Variants in SRPK2 observed in about 807,000 individuals in gnomAD.
The protein encoded by SRPK2 is SFRS protein kinase 2.
A neutral mutation model predicts 90.8 loss-of-function variants in SRPK2; 21 were observed. The ratio of observed to expected loss-of-function variants is 0.23; its 90% CI spans 0.16 to 0.33. SRPK2 has a LOEUF of 0.33. Among genes scored for constraint, SRPK2 ranks in the 10% least tolerant of loss-of-function variants. SRPK2 has a pLI of 1.00. For synonymous variants in SRPK2, 288 were observed against 311.1 expected (o/e 0.93, Z 0.78); for missense variants, 620 against 869.0 (o/e 0.71, Z 3.60).
chr7:105,279,890 G>GA (rs1300979755), intron 2 of SRPK2, among the ~76,000 whole-genome samples: 3 of 152,150 alleles, frequency 2.0e-5, no homozygotes, highest in Non-Finnish European at 4.4e-5. Context: ...AACTCAAGGT[G>GA]AAACCCAATG....
At chr7:105,384,031 T>A (rs1821257569) in intron 2 of SRPK2, among the ~76,000 whole-genome samples, 1 of 152,150 alleles carries the variant, frequency 6.6e-6, no homozygotes, top group Non-Finnish European at 1.5e-5. Flanking sequence ...GTTATAGAAT[T>A]AGATAACGGC....
At chr7:105,375,531 G>C (rs1477321842) in intron 2 of SRPK2, among the ~76,000 whole-genome samples, 1 of 152,028 alleles carries the variant, frequency 6.6e-6, no homozygotes, top group South Asian at 2.1e-4. Context: ...AAAAAGAAAA[G>C]AAAATGTATT....
intron 2 of SRPK2, among the ~76,000 whole-genome samples, chr7:105,263,544 T>A (rs547557663): frequency 3.9e-5 from 6 of 151,974 alleles, no homozygotes; most frequent in Non-Finnish European, 8.8e-5. Flanking sequence ...ATCCAGAGGG[T>A]TTCTATTTAT....
chr7:105,117,834 T>G lies in SRPK2; in HGVS notation c.*4A>C. ...AGCTCAGAATGCAATATTGGTAGAA[T>G]TTGCTAAGAATTCAACCAAGGATGC... On this transcript the variant is annotated 3_prime_UTR_variant, in exon 16 of 16. Transcript: ENST00000393651. The G allele has an allele frequency of 5.6e-6, 9 of 1,612,322 alleles. No homozygotes were observed. Among genetic ancestry groups the G allele is most frequent in the Non-Finnish European group, 7.6e-6 (9 of 1,179,988 alleles).
At chr7:105,203,969 C>T (rs1285919471) in intron 2 of SRPK2, among the ~76,000 whole-genome samples, 184 bp from the exon 3 acceptor site, 1 of 146,542 alleles carries the variant, frequency 6.8e-6, no homozygotes, top group South Asian at 2.2e-4. Flanking sequence ...TAAGTCAGGC[C>T]AAAAAAAAAA....
chr7:105,342,956 C>T (rs563684003), intron 2 of SRPK2, among the ~76,000 whole-genome samples: 16 of 152,268 alleles, frequency 1.1e-4, no homozygotes, highest in African/African-American at 3.9e-4. Flanking sequence ...AAAAAATGTG[C>T]TAAGGGCCTG....
intron 2 of SRPK2, among the ~76,000 whole-genome samples, chr7:105,281,648 C>A (rs1211981944): frequency 2.7e-5 from 4 of 148,508 alleles, no homozygotes; most frequent in African/African-American, 1.0e-4. Flanking sequence ...CAGCAACACA[C>A]TGAGACCCTG....
At chr7:105,378,490 C>A (rs887912081) in intron 2 of SRPK2, among the ~76,000 whole-genome samples, 5 of 151,992 alleles carry the variant, frequency 3.3e-5, no homozygotes, top group African/African-American at 1.2e-4. Context: ...GTTGGCTGGG[C>A]CTGGTGGCTC....
intron 2 of SRPK2, among the ~76,000 whole-genome samples, chr7:105,318,125 C>CAGA (rs1455854071): frequency 2.2e-4 from 34 of 152,154 alleles, no homozygotes; most frequent in African/African-American, 7.7e-4. Flanking sequence ...TACAGAGTCT[C>CAGA]GCTCTGTCAC....
At chr7:105,244,797 G>C (rs1801368620) in intron 2 of SRPK2, 1 of 965,312 alleles carries the variant, frequency 1.0e-6, no homozygotes, top group Non-Finnish European at 1.7e-6. Flanking sequence ...GAGGCATGTG[G>C]CTTCGCCCCG....
chr7:105,349,743 C>T (rs1390739600), intron 2 of SRPK2, among the ~76,000 whole-genome samples: 1 of 151,970 alleles, frequency 6.6e-6, no homozygotes, highest in Non-Finnish European at 1.5e-5. Context: ...TTGAACGGTG[C>T]CTGTCTTTTT....
At chr7:105,339,553 A>C (rs1815500927) in intron 2 of SRPK2, among the ~76,000 whole-genome samples, 1 of 152,262 alleles carries the variant, frequency 6.6e-6, no homozygotes, top group African/African-American at 2.4e-5. Context: ...AGTCCTGAAC[A>C]CTGAGTGACA....
chr7:105,361,566 T>G (rs1031132063), intron 2 of SRPK2, among the ~76,000 whole-genome samples: 1 of 152,164 alleles, frequency 6.6e-6, no homozygotes, highest in East Asian at 1.9e-4. Context: ...GCTACCTGAC[T>G]TCAGACTATA....
chr7:105,386,279 C>T (rs1323361462), intron 2 of SRPK2, among the ~76,000 whole-genome samples: 1 of 145,702 alleles, frequency 6.9e-6, no homozygotes, highest in Non-Finnish European at 1.5e-5. Context: ...GCGCCACTGC[C>T]CTCCAGCCTG....
intron 2 of SRPK2, among the ~76,000 whole-genome samples, chr7:105,385,957 C>T (rs920412568): frequency 3.3e-5 from 5 of 152,176 alleles, no homozygotes; most frequent in African/African-American, 1.2e-4. Context: ...TATCTTGTCA[C>T]CCTCTTTGTG....
chr7:105,170,847 GAAA>G (rs1236067249), intron 3 of SRPK2, among the ~76,000 whole-genome samples: 13 of 14,078 alleles, frequency 9.2e-4, no homozygotes, highest in Admixed American at 4.9e-3. Context: ...AAGAAAGAAA[GAAA>G]GAAAGAAAGA....
chr7:105,134,337 T>C (rs1318058690), intron 11 of SRPK2, among the ~76,000 whole-genome samples: 1 of 152,110 alleles, frequency 6.6e-6, no homozygotes, highest in Admixed American at 6.6e-5. Context: ...GTGTAGCACG[T>C]CCCCCTTCTC....
chr7:105,194,547 C>T (rs1374323173), intron 3 of SRPK2, among the ~76,000 whole-genome samples: 2 of 152,148 alleles, frequency 1.3e-5, no homozygotes, highest in Non-Finnish European at 2.9e-5. Flanking sequence ...AGTTACATTT[C>T]TATAACCCAT....
chr7:105,306,255 G>C (rs1250801873), intron 2 of SRPK2: 1 of 189,378 alleles, frequency 5.3e-6, no homozygotes, highest in Non-Finnish European at 1.1e-5. Context: ...TTGCTAGGAA[G>C]AGAAAAGACA....
Sources: allele counts gnomAD v4.1 joint callset (sites outside exome capture counted in the v4.1 genomes callset), GRCh38; gene constraint gnomAD v4.1.1; transcripts MANE v1.5; gene names NCBI Gene and HGNC (gene_info 2026-07-23, HGNC 2026-07-21).